The following GRM8 variants were observed in gnomAD, a reference collection of about 807,000 sequenced individuals.
GRM8 encodes the protein glutamate metabotropic receptor 8.
GRM8 carries 47 observed loss-of-function variants against 87.2 expected under a neutral mutation model. The ratio of observed to expected loss-of-function variants is 0.54; its 90% CI spans 0.43 to 0.69. The LOEUF is 0.69. Ranked by LOEUF, GRM8 falls within the 30% of genes least tolerant of loss-of-function variation. The pLI, the probability that GRM8 is intolerant of heterozygous loss-of-function variation, is 0.00. For missense variants in GRM8, 1,019 were observed against 1,139.2 expected (o/e 0.89, Z 1.52); for synonymous variants, 396 against 404.5 (o/e 0.98, Z 0.25).
chr7:127,106,642 C>T lies in GRM8; in HGVS notation c.581G>A (p.Arg194Gln). The change falls in exon 3 of 11, where the codon CGA (arginine) becomes CAA (glutamine). Residue 194 changes from arginine to glutamine, a missense_variant. Coordinates refer to ENST00000339582, the MANE Select transcript of GRM8 (RefSeq NM_000845.3). The part of the protein sequence containing the change: ...SDNTRYDFFS[R>Q]VVPPDSYQAQ... ...TTGGTAGGAGTCAGGCGGAACCACT[C>T]GAGAGAAAAAGTCATACCTGGTGTT... 1.9e-6 allele frequency: 3 copies of T among 1,613,984 alleles called. No individual in the cohort carries two copies. Among genetic ancestry groups the T allele is most frequent in the Non-Finnish European group, 2.5e-6 (3 of 1,179,924 alleles).
chr7:126,638,205 G>T (rs894422330), intron 7 of GRM8, among the ~76,000 whole-genome samples: 6 of 151,964 alleles, frequency 3.9e-5, no homozygotes, highest in Admixed American at 3.9e-4. Context: ...GGTTGCCTAA[G>T]TACCACTGAT....
At chr7:126,638,525 T>C (rs1437854968) in intron 7 of GRM8, among the ~76,000 whole-genome samples, 1 of 152,068 alleles carries the variant, frequency 6.6e-6, no homozygotes, top group African/African-American at 2.4e-5. Context: ...TATAGACAAG[T>C]AGGTTTATTT....
intron 3 of GRM8, among the ~76,000 whole-genome samples, chr7:126,940,208 C>A (rs1806760949): frequency 1.3e-5 from 2 of 152,214 alleles, no homozygotes; most frequent in Non-Finnish European, 2.9e-5. Context: ...CCATTTCTAT[C>A]AGGGCAGAAG....
chr7:126,758,822 C>T (rs1015601833), intron 7 of GRM8, among the ~76,000 whole-genome samples: 9 of 151,906 alleles, frequency 5.9e-5, no homozygotes, highest in African/African-American at 2.2e-4. Context: ...AATCAAAATC[C>T]CTTAAGCATA....
At chr7:127,040,264 G>C (rs1041371804) in intron 3 of GRM8, among the ~76,000 whole-genome samples, 13 of 152,002 alleles carry the variant, frequency 8.6e-5, no homozygotes, top group Middle Eastern at 3.2e-3. Flanking sequence ...ATTGGTGATG[G>C]GTTTCAGAGC....
At chr7:126,680,807 T>C (rs1380241275) in intron 7 of GRM8, among the ~76,000 whole-genome samples, 1 of 152,254 alleles carries the variant, frequency 6.6e-6, no homozygotes, top group Non-Finnish European at 1.5e-5. Flanking sequence ...GGTATCCAGA[T>C]ACCACTCGTT....
At chr7:126,543,534 T>C (rs1055982792) in intron 8 of GRM8, among the ~76,000 whole-genome samples, 1 of 152,184 alleles carries the variant, frequency 6.6e-6, no homozygotes, top group Non-Finnish European at 1.5e-5. Context: ...TTTGAATGAA[T>C]GAAGAAAGAC....
Position 126,532,951 on chromosome 7 carries a change from C to A in GRM8, c.2430+1G>T. 3 of 1,588,474 alleles carry A rather than the reference C, an allele frequency of 1.9e-6. No homozygotes were observed. The highest frequency in any genetic ancestry group is 2.6e-6 in the Non-Finnish European group (3 of 1,162,962). ...TGTCAAGTGTATTTCCTTCTACTTA[C>A]CTTTTCTGCTGACTGGGCTGTACCA... On this transcript the variant is annotated splice_donor_variant, in intron 9 of 10. Transcript: ENST00000339582. LOFTEE classifies it high-confidence loss of function.
chr7:126,536,269 T>C (rs1815704048), intron 8 of GRM8, among the ~76,000 whole-genome samples: 1 of 152,214 alleles, frequency 6.6e-6, no homozygotes. Flanking sequence ...GTGACTGAAA[T>C]CGTTCTCATG....
At chr7:126,995,106 T>C (rs1422616938) in intron 3 of GRM8, among the ~76,000 whole-genome samples, 1 of 152,210 alleles carries the variant, frequency 6.6e-6, no homozygotes, top group African/African-American at 2.4e-5. Flanking sequence ...TTCTTCCTGG[T>C]AATCCAGGGA....
At chr7:126,559,607 C>T (rs756840605) in intron 8 of GRM8, among the ~76,000 whole-genome samples, 28 of 152,144 alleles carry the variant, frequency 1.8e-4, no homozygotes, top group Non-Finnish European at 4.0e-4. Context: ...TGCAACAGTT[C>T]CTTCTAAAAC....
chr7:126,729,611 GTT>G lies in GRM8; in HGVS notation c.1357+40252_1357+40253del, dbSNP rs369291716. ...CACTAAGTTCCAAAACATTAATTGT[GTT>G]TTCCAGTTTAGAAGTTCTGCATTTG... On this transcript the variant is annotated intron_variant, in intron 7 of 10. Transcript: ENST00000339582. 2.4e-3 allele frequency among the ~76,000 whole-genome samples: 364 copies of G among 152,250 alleles called. 1 individual carries two copies. Among genetic ancestry groups the G allele is most frequent in the African/African-American group, 7.0e-3 (292 of 41,560 alleles).
At chr7:126,951,815 T>A (rs1451185088) in intron 3 of GRM8, among the ~76,000 whole-genome samples, 1 of 151,964 alleles carries the variant, frequency 6.6e-6, no homozygotes, top group Non-Finnish European at 1.5e-5. Context: ...CAGTATTTAG[T>A]ATAAATTGTA....
At chr7:127,189,327 TG>T (rs1250269094) in intron 2 of GRM8, among the ~76,000 whole-genome samples, 1 of 152,166 alleles carries the variant, frequency 6.6e-6, no homozygotes, top group Non-Finnish European at 1.5e-5. Context: ...TGCAGAGAAG[TG>T]GCTTTATTTA....
intron 7 of GRM8, among the ~76,000 whole-genome samples, chr7:126,633,654 GT>G (rs1437712544): frequency 6.6e-6 from 1 of 151,850 alleles, no homozygotes; most frequent in Non-Finnish European, 1.5e-5. Flanking sequence ...AAACATATCT[GT>G]TTTTTTGAAA....
At chr7:127,000,884 T>A (rs945528841) in intron 3 of GRM8, among the ~76,000 whole-genome samples, 4 of 151,752 alleles carry the variant, frequency 2.6e-5, no homozygotes, top group Admixed American at 2.6e-4. Flanking sequence ...TAAAACACCC[T>A]TATTTACAAA....
chr7:127,023,350 A>G (rs1816464082), intron 3 of GRM8, among the ~76,000 whole-genome samples: 1 of 152,020 alleles, frequency 6.6e-6, no homozygotes, highest in Non-Finnish European at 1.5e-5. Context: ...TTATTCATCC[A>G]TTATTTATAG....
At chr7:126,957,887 T>C (rs986651825) in intron 3 of GRM8, among the ~76,000 whole-genome samples, 1 of 151,850 alleles carries the variant, frequency 6.6e-6, no homozygotes, top group Non-Finnish European at 1.5e-5. Context: ...CCAGGTGGAG[T>C]CCGCAGCCAG....
At chr7:126,870,135 A>T (rs1044701874) in intron 6 of GRM8, 1 of 152,072 alleles carries the variant, frequency 6.6e-6, no homozygotes, top group African/African-American at 2.4e-5. Context: ...AACCTCACGA[A>T]GTAACTTCTG....
Sources: allele counts gnomAD v4.1 joint callset (sites outside exome capture counted in the v4.1 genomes callset), GRCh38; gene constraint gnomAD v4.1.1; transcripts MANE v1.5; gene names NCBI Gene and HGNC (gene_info 2026-07-23, HGNC 2026-07-21).